The following KPNA7 variants were observed in gnomAD, a reference collection of about 807,000 sequenced individuals.
The protein encoded by KPNA7 is importin subunit alpha-8.
KPNA7 carries 54 observed loss-of-function variants against 53.7 expected under a neutral mutation model. The observed-to-expected ratio is 1.01, with a 90% CI of 0.81 to 1.26. KPNA7 has a LOEUF of 1.26. KPNA7 is among the 50% of genes most tolerant of loss of function. KPNA7 has a pLI of 0.00. For missense variants in KPNA7, 640 were observed against 644.5 expected (o/e 0.99, Z 0.07); for synonymous variants, 276 against 259.3 (o/e 1.06, Z -0.62).
the KPNA7 span, among the ~76,000 whole-genome samples, chr7:99,160,898 T>C: frequency 6.6e-6 from 1 of 151,866 alleles, no homozygotes; most frequent in Non-Finnish European, 1.5e-5. Context: ...ACAGAGTCTT[T>C]CTCTGTCACC....
downstream of KPNA7, among the ~76,000 whole-genome samples, chr7:99,169,815 C>T (rs561540529): frequency 8.2e-4 from 125 of 151,884 alleles, no homozygotes; most frequent in South Asian, 0.014. Context: ...CCGAGGTGGG[C>T]GGATCACTTC....
chr7:99,191,310 A>G (rs1789943253), intron 6 of KPNA7, among the ~76,000 whole-genome samples: 1 of 151,850 alleles, frequency 6.6e-6, no homozygotes, highest in East Asian at 1.9e-4. Flanking sequence ...GGTGCGTGCC[A>G]CCACACCCAG....
the KPNA7 span, among the ~76,000 whole-genome samples, chr7:99,166,735 T>C: frequency 1.5e-3 from 221 of 152,194 alleles, no homozygotes; most frequent in Middle Eastern, 0.01. Context: ...TTCTCCTACC[T>C]CACCCTCCCA....
chr7:99,164,863 C>T, the KPNA7 span, among the ~76,000 whole-genome samples: 9 of 151,962 alleles, frequency 5.9e-5, no homozygotes, highest in Non-Finnish European at 1.2e-4. Flanking sequence ...TTTGGGAGGC[C>T]GAGGCAGGAG....
chr7:99,175,582 C>T (rs1399730713), intron 10 of KPNA7, among the ~76,000 whole-genome samples: 3 of 151,940 alleles, frequency 2.0e-5, no homozygotes, highest in Admixed American at 2.0e-4. Flanking sequence ...GTGGCACCAT[C>T]TTGGCTCACT....
chr7:99,175,025 G>C (rs1798848076), intron 10 of KPNA7, among the ~76,000 whole-genome samples: 1 of 151,954 alleles, frequency 6.6e-6, no homozygotes, highest in South Asian at 2.1e-4. Flanking sequence ...TGGCCAGGCT[G>C]GTCTCGAACT....
intron 7 of KPNA7, among the ~76,000 whole-genome samples, chr7:99,187,394 GGTT>G (rs1789650518): frequency 6.6e-6 from 1 of 151,366 alleles, no homozygotes. Context: ...GAGGATAATG[GGTT>G]GTTTTTTTTT....
chr7:99,173,062 C>CAAAAAAAAAAAAAA (rs923484332), downstream of KPNA7, among the ~76,000 whole-genome samples: 93 of 57,050 alleles, frequency 1.6e-3, no homozygotes, highest in East Asian at 3.1e-3. Context: ...AACTCCATCT[C>CAAAAAAAAAAAAAA]AAAAAAAAAA....
chr7:99,178,219 G>A (rs1186553997), intron 9 of KPNA7, among the ~76,000 whole-genome samples, 153 bp from the exon 10 acceptor site: 1 of 152,080 alleles, frequency 6.6e-6, no homozygotes, highest in Non-Finnish European at 1.5e-5. Context: ...TCCCAAATTG[G>A]TTGAAAATTA....
chr7:99,171,910 G>A (rs1798777750), downstream of KPNA7, among the ~76,000 whole-genome samples: 1 of 152,186 alleles, frequency 6.6e-6, no homozygotes, highest in African/African-American at 2.4e-5. Flanking sequence ...ATTCCAGGCT[G>A]GAGCATGACA....
intron 3 of KPNA7, among the ~76,000 whole-genome samples, chr7:99,199,321 G>A (rs575321195): frequency 6.6e-6 from 1 of 150,508 alleles, no homozygotes; most frequent in African/African-American, 2.4e-5. Context: ...AACAAAGCTG[G>A]AAGACTCACT....
downstream of KPNA7, among the ~76,000 whole-genome samples, chr7:99,169,846 T>A (rs1319877748): frequency 6.6e-6 from 1 of 151,422 alleles, no homozygotes; most frequent in Non-Finnish European, 1.5e-5. Flanking sequence ...TTCAAGACCA[T>A]CCTGGTCAAC....
the KPNA7 span, among the ~76,000 whole-genome samples, chr7:99,149,281 C>A: frequency 6.6e-6 from 1 of 152,050 alleles, no homozygotes; most frequent in Non-Finnish European, 1.5e-5. Context: ...GGATCCAGGA[C>A]AATAACAACC....
intron 7 of KPNA7, among the ~76,000 whole-genome samples, chr7:99,187,480 C>G (rs1789657105): frequency 1.3e-5 from 2 of 151,318 alleles, no homozygotes; most frequent in Non-Finnish European, 2.9e-5. Flanking sequence ...CCTCAAACTT[C>G]TGGGCTCAAT....
intron 7 of KPNA7, among the ~76,000 whole-genome samples, chr7:99,187,929 C>T (rs948294536): frequency 6.7e-6 from 1 of 149,882 alleles, no homozygotes. Context: ...TAATCCCAGT[C>T]GTTTGGGAGG....
At chr7:99,174,492 C>G (rs893922231) in intron 10 of KPNA7, among the ~76,000 whole-genome samples, 1 of 152,172 alleles carries the variant, frequency 6.6e-6, no homozygotes, top group African/African-American at 2.4e-5. Flanking sequence ...AAAAACTGGT[C>G]CCTAGTGTCA....
chr7:99,190,879 C>T (rs1310214836), intron 6 of KPNA7, among the ~76,000 whole-genome samples: 2 of 152,174 alleles, frequency 1.3e-5, no homozygotes, highest in Non-Finnish European at 1.5e-5. Flanking sequence ...CCCAGCTGAC[C>T]TTGCCTGGCT....
chr7:99,163,138 G>A, the KPNA7 span, among the ~76,000 whole-genome samples: 188 of 151,520 alleles, frequency 1.2e-3, 3 homozygotes, highest in South Asian at 0.029. Context: ...CCGAGACTGC[G>A]TGACTGCACT....
At chr7:99,176,270 C>G (rs1197594944) in intron 10 of KPNA7, among the ~76,000 whole-genome samples, 1 of 142,232 alleles carries the variant, frequency 7.0e-6, no homozygotes, top group East Asian at 2.0e-4. Context: ...TGCACTCCAG[C>G]CTGGGCAGCT....
Sources: allele counts gnomAD v4.1 joint callset (sites outside exome capture counted in the v4.1 genomes callset), GRCh38; gene constraint gnomAD v4.1.1; transcripts MANE v1.5; gene names NCBI Gene and HGNC (gene_info 2026-07-23, HGNC 2026-07-21).